The following PPFIBP2 variants were observed in gnomAD, a reference collection of about 807,000 sequenced individuals.
PPFIBP2 encodes PPFIB scaffold protein 2.
PPFIBP2 carries 118 observed loss-of-function variants against 118.3 expected under a neutral mutation model. The ratio of observed to expected loss-of-function variants is 1.00; its 90% CI spans 0.86 to 1.16. The LOEUF is 1.16. Among genes scored for constraint, PPFIBP2 ranks in the 50% most tolerant of loss-of-function variants. PPFIBP2 has a pLI of 0.00. For synonymous variants in PPFIBP2, 414 were observed against 397.4 expected, an observed-to-expected ratio of 1.04 and a Z score of -0.50; for missense variants, 1,195 against 1,073.1, an observed-to-expected ratio of 1.11 and a Z score of -1.59.
chr11:7,516,093 G>A (rs757382948), intron 1 of PPFIBP2, among the ~76,000 whole-genome samples: 2 of 152,166 alleles, frequency 1.3e-5, no homozygotes, highest in Non-Finnish European at 2.9e-5. Context: ...TTTGTAAAAC[G>A]TTCAGATTAA....
rs977731971 is a variant in PPFIBP2 at position 7,560,786 on chromosome 11, A to G, written c.65-4767A>G. ...ATGAGGGTACCCTTATGAACAGCAT[A>G]TGAGCTTGCCAACATTAATTATCAT... On this transcript the variant is annotated intron_variant, in intron 2 of 23. Coordinates refer to ENST00000299492, the MANE Select transcript of PPFIBP2 (RefSeq NM_003621.5). 2.6e-5 allele frequency among the ~76,000 whole-genome samples: 4 copies of G among 152,246 alleles called. 1 individual carries two copies. The highest frequency in any genetic ancestry group is 3.8e-4 in the East Asian group (2 of 5,196).
chr11:7,577,314 T>C lies in PPFIBP2; in HGVS notation c.279+11547T>C, dbSNP rs561923900. On this transcript the variant is annotated intron_variant, in intron 3 of 23. Transcript: ENST00000299492. ...CAGTCCTGGTGCGTGTGCGTGCATG[T>C]ATGTGCGTGTGTGTGTGTGTGTGTG... The C allele has an allele frequency of 1.2e-3, 327 of 276,916 alleles. 2 individuals are homozygous for C. Among genetic ancestry groups the C allele is most frequent in the African/African-American group, 7.3e-3 (306 of 42,134 alleles). The allele number at this position is 276,916 out of a possible 1,614,324, so 17.2% of individuals were successfully genotyped here.
the PPFIBP2 span, chr11:7,665,399 G>T: frequency 6.3e-7 from 1 of 1,598,564 alleles, no homozygotes; most frequent in Non-Finnish European, 8.5e-7. Context: ...CATGTCCTGG[G>T]TATAACCCAG....
intron 3 of PPFIBP2, among the ~76,000 whole-genome samples, chr11:7,588,755 A>G (rs1858666326): frequency 6.6e-6 from 1 of 152,242 alleles, no homozygotes; most frequent in Non-Finnish European, 1.5e-5. Flanking sequence ...GCAACACTTG[A>G]TAGACACAAA....
At chr11:7,520,137 A>T (rs1423941761) in intron 1 of PPFIBP2, among the ~76,000 whole-genome samples, 1 of 152,210 alleles carries the variant, frequency 6.6e-6, no homozygotes, top group African/African-American at 2.4e-5. Context: ...ATGGCGCAAC[A>T]TGCTGTTTTA....
At chr11:7,572,258 C>G (rs749095414) in intron 3 of PPFIBP2, among the ~76,000 whole-genome samples, 18 of 152,130 alleles carry the variant, frequency 1.2e-4, no homozygotes, top group Non-Finnish European at 2.6e-4. Flanking sequence ...CACGCCCTGC[C>G]CTAGAGAAGC....
chr11:7,594,666 C>T (rs1414109605), intron 4 of PPFIBP2, among the ~76,000 whole-genome samples: 9 of 150,004 alleles, frequency 6.0e-5, no homozygotes, highest in Admixed American at 5.9e-4. Context: ...CCTGTAATCC[C>T]AGCACTTTGG....
chr11:7,568,451 T>C (rs1855259124), intron 3 of PPFIBP2, among the ~76,000 whole-genome samples: 2 of 152,176 alleles, frequency 1.3e-5, no homozygotes, highest in Non-Finnish European at 2.9e-5. Context: ...ATCATTTCTT[T>C]AGTATGTTTT....
intron 15 of PPFIBP2, 88 bp downstream of exon 15, chr11:7,639,958 C>CA (rs1851940550): frequency 1.1e-5 from 17 of 1,493,566 alleles, no homozygotes; most frequent in Admixed American, 2.3e-5. Context: ...CCTACCACCA[C>CA]AATCCACAAT....
chr11:7,555,268 T>A lies in PPFIBP2; in HGVS notation c.64+5729T>A, dbSNP rs137946988. Among the ~76,000 whole-genome samples, 138 of 152,280 alleles carry A rather than the reference T, an allele frequency of 9.1e-4. 2 individuals are homozygous for A. The highest frequency in any genetic ancestry group is 3.1e-3 in the African/African-American group (128 of 41,552). On this transcript the variant is annotated intron_variant, in intron 2 of 23. Coordinates refer to ENST00000299492, the MANE Select transcript of PPFIBP2 (RefSeq NM_003621.5). ...TACTCATGCAGTTATGTACAAGCAG[T>A]ACTCACTGAGGAGGAATAGTTAAGA...
At chr11:7,659,499 T>G (rs930519376), downstream of PPFIBP2, among the ~76,000 whole-genome samples, 2 of 150,464 alleles carry the variant, frequency 1.3e-5, no homozygotes, top group Non-Finnish European at 3.0e-5. Flanking sequence ...TCTGTTCCAT[T>G]GATCTATATC....
intron 3 of PPFIBP2, among the ~76,000 whole-genome samples, chr11:7,589,611 C>CCA (rs1858869133): frequency 7.0e-6 from 1 of 142,238 alleles, no homozygotes. Flanking sequence ...AACCCCCTCC[C>CCA]AAAAAAAAAA....
At chr11:7,635,299 G>C (rs755697096) in intron 13 of PPFIBP2, among the ~76,000 whole-genome samples, 3 of 152,198 alleles carry the variant, frequency 2.0e-5, no homozygotes, top group Non-Finnish European at 4.4e-5. Context: ...GGATCATTCA[G>C]TGGCTCTGCT....
chr11:7,601,543 G>A (rs1846626329), intron 5 of PPFIBP2, among the ~76,000 whole-genome samples: 1 of 152,114 alleles, frequency 6.6e-6, no homozygotes, highest in Non-Finnish European at 1.5e-5. Flanking sequence ...GACATACCTT[G>A]TAGCTGTCTA....
intron 5 of PPFIBP2, among the ~76,000 whole-genome samples, chr11:7,607,357 C>T (rs1049334584): frequency 4.0e-5 from 6 of 151,006 alleles, no homozygotes; most frequent in African/African-American, 1.5e-4. Flanking sequence ...ACTTGAGGCC[C>T]ATGCCACCAC....
chr11:7,541,000 GC>G (rs1851719465), intron 1 of PPFIBP2, among the ~76,000 whole-genome samples: 2 of 152,204 alleles, frequency 1.3e-5, no homozygotes, highest in African/African-American at 4.8e-5. Context: ...AAAAGTTAAA[GC>G]CGTGACCAAG....
intron 14 of PPFIBP2, among the ~76,000 whole-genome samples, chr11:7,636,746 C>G (rs1390601297): frequency 6.6e-6 from 1 of 152,180 alleles, no homozygotes; most frequent in Non-Finnish European, 1.5e-5. Flanking sequence ...GAAAAAAATG[C>G]TCCAGATTAA....
intron 5 of PPFIBP2, among the ~76,000 whole-genome samples, chr11:7,599,161 A>G (rs1038578821): frequency 6.6e-6 from 1 of 152,066 alleles, no homozygotes; most frequent in Non-Finnish European, 1.5e-5. Flanking sequence ...GCCTGATGGA[A>G]AAAAATCTCA....
At chr11:7,547,577 G>A (rs556168174) in intron 1 of PPFIBP2, among the ~76,000 whole-genome samples, 2 of 152,120 alleles carry the variant, frequency 1.3e-5, no homozygotes. Flanking sequence ...CTTTTATCCT[G>A]GCCAAAGCTG....
Sources: gnomAD v4.1 joint callset for allele counts (sites outside exome capture counted in the v4.1 genomes callset) on GRCh38, gnomAD v4.1.1 for gene constraint, MANE v1.5 for transcripts, NCBI Gene and HGNC (gene_info 2026-07-23, HGNC 2026-07-21) for gene names.